TNR: variants seen among roughly 807,000 people sequenced by gnomAD.
The protein encoded by TNR is tenascin R.
Under a neutral mutation model 150.4 loss-of-function variants are expected in TNR, and 45 were observed. The observed-to-expected ratio is 0.30, with a 90% confidence interval of 0.24 to 0.38. The LOEUF is 0.38. TNR is among the 10% of genes least tolerant of loss of function. TNR has a pLI of 1.00. For missense variants in TNR, 1,544 were observed against 1,759.1 expected (o/e 0.88, Z 2.19); for synonymous variants, 687 against 678.4 (o/e 1.01, Z -0.20).
At chr1:175,638,641 G>C (rs1664557497) in intron 1 of TNR, among the ~76,000 whole-genome samples, 1 of 152,102 alleles carries the variant, frequency 6.6e-6, no homozygotes, top group Non-Finnish European at 1.5e-5. Context: ...GAAAGTTAGG[G>C]TACCAAACTC....
At chr1:175,533,320 T>A (rs528970021) in intron 1 of TNR, among the ~76,000 whole-genome samples, 1 of 152,204 alleles carries the variant, frequency 6.6e-6, no homozygotes, top group African/African-American at 2.4e-5. Flanking sequence ...CGCAGCTCAG[T>A]GTGCAGCAGA....
At chr1:175,549,989 T>C (rs1351325921) in intron 1 of TNR, among the ~76,000 whole-genome samples, 1 of 152,166 alleles carries the variant, frequency 6.6e-6, no homozygotes, top group Non-Finnish European at 1.5e-5. Context: ...TGTGATAATT[T>C]GTTGTGCAGC....
rs1255308835 is a variant in TNR at position 175,528,334 on chromosome 1, G to C, written c.-129C>G. The C allele has an allele frequency of 6.6e-6, 1 of 152,182 alleles. No homozygotes were observed. The highest frequency in any genetic ancestry group is 2.4e-5 in the African/African-American group (1 of 41,458). 9.4% of individuals were successfully genotyped at this position (152,182 alleles called of 1,614,324 possible). On this transcript the variant is annotated 5_prime_UTR_variant, in exon 2 of 23. Coordinates refer to ENST00000367674, the MANE Select transcript of TNR (RefSeq NM_003285.3). ...TTTCTTTAATCCTAATTCCAAAAGA[G>C]ACCTGCCCTCTATGCAGTTAAAACG...
At chr1:175,432,802 C>G (rs1557930971) in intron 2 of TNR, among the ~76,000 whole-genome samples, 1 of 152,162 alleles carries the variant, frequency 6.6e-6, no homozygotes, top group Non-Finnish European at 1.5e-5. Context: ...CTCCTCTTCT[C>G]TTTTGGTGGC....
intron 1 of TNR, among the ~76,000 whole-genome samples, chr1:175,558,565 T>G (rs1295070090): frequency 6.6e-6 from 1 of 152,216 alleles, no homozygotes; most frequent in Non-Finnish European, 1.5e-5. Flanking sequence ...TATGACATAC[T>G]GCTCCAATCT....
At chr1:175,367,159 A>C (rs1439023966) in intron 10 of TNR, 49 bp downstream of exon 10, 3 of 1,574,602 alleles carry the variant, frequency 1.9e-6, no homozygotes, top group Non-Finnish European at 2.6e-6. Flanking sequence ...ATGACTCCTT[A>C]GGCTTATAGG....
chr1:175,634,948 G>A (rs777921380), intron 1 of TNR, among the ~76,000 whole-genome samples: 1 of 152,162 alleles, frequency 6.6e-6, no homozygotes, highest in South Asian at 2.1e-4. Context: ...TTCTCTTAAT[G>A]GCAAAGGTTC....
chr1:175,364,069 T>C (rs1651724326), intron 12 of TNR, among the ~76,000 whole-genome samples: 1 of 152,244 alleles, frequency 6.6e-6, no homozygotes, highest in Admixed American at 6.5e-5. Context: ...TGGCAAGCTC[T>C]GTACCTGTTA....
Position 175,432,061 on chromosome 1 carries a change from G to A in TNR, c.-63-25284C>T, listed in dbSNP as rs187399773. ...TCATGCGTGAGCCTCTGCCTGTGGG[G>A]AGGGGGCCAGGGATATGGGGTTGCT... On this transcript the variant is annotated intron_variant, in intron 2 of 22. Transcript: ENST00000367674. 2.7e-3 allele frequency among the ~76,000 whole-genome samples: 404 copies of A among 152,220 alleles called. 1 individual carries two copies. Among genetic ancestry groups the A allele is most frequent in the Middle Eastern group, 0.01 (3 of 294 alleles).
At chr1:175,652,643 G>A (rs1336461137) in intron 1 of TNR, among the ~76,000 whole-genome samples, 5 of 152,054 alleles carry the variant, frequency 3.3e-5, no homozygotes, top group South Asian at 2.1e-4. Context: ...GCACTTCCCC[G>A]TTAGCTCTCT....
chr1:175,617,615 G>C (rs1430350569), intron 1 of TNR, among the ~76,000 whole-genome samples: 2 of 152,274 alleles, frequency 1.3e-5, no homozygotes, highest in East Asian at 1.9e-4. Context: ...CAGAACCTAA[G>C]GTCCCATTCC....
chr1:175,450,926 C>T (rs1656276785), intron 2 of TNR, among the ~76,000 whole-genome samples: 1 of 152,164 alleles, frequency 6.6e-6, no homozygotes, highest in Non-Finnish European at 1.5e-5. Context: ...TTTCCTCCAC[C>T]ATTCTTTTTT....
chr1:175,657,405 C>A (rs569868984), intron 1 of TNR, among the ~76,000 whole-genome samples: 1 of 152,122 alleles, frequency 6.6e-6, no homozygotes, highest in Non-Finnish European at 1.5e-5. Context: ...TTTGACCCAG[C>A]CATCCCATTA....
chr1:175,457,137 C>A (rs1302409139), intron 2 of TNR, among the ~76,000 whole-genome samples: 8 of 152,184 alleles, frequency 5.3e-5, no homozygotes, highest in Admixed American at 5.2e-4. Context: ...CTTCTATTAA[C>A]TTTTCCCCTG....
At chr1:175,639,571 T>C (rs10913040) in intron 1 of TNR, among the ~76,000 whole-genome samples, 48,181 of 152,054 alleles carry the variant, frequency 0.32, 9,672 homozygotes, top group African/African-American at 0.55. Context: ...CTTCTGAGTG[T>C]TGGGGCTCTG....
intron 2 of TNR, among the ~76,000 whole-genome samples, chr1:175,497,797 C>A (rs779739849): frequency 1.3e-5 from 2 of 152,148 alleles, no homozygotes; most frequent in African/African-American, 4.8e-5. Context: ...TGGTGGCTCA[C>A]GCCTGTAATC....
At chr1:175,369,681 G>T (rs899300663) in intron 9 of TNR, among the ~76,000 whole-genome samples, 4 of 152,180 alleles carry the variant, frequency 2.6e-5, no homozygotes, top group Non-Finnish European at 4.4e-5. Flanking sequence ...CCCGGATTCT[G>T]GTCTCAGAGT....
intron 1 of TNR, among the ~76,000 whole-genome samples, chr1:175,695,231 A>G (rs1161731835): frequency 6.6e-6 from 1 of 152,098 alleles, no homozygotes. Context: ...CATCATGAGG[A>G]CTCTCAAGGG....
Position 175,322,906 on chromosome 1 carries a change from CAA to C in TNR, c.*449_*450del, listed in dbSNP as rs1270647247. 1 of 152,860 alleles carries C rather than the reference CAA, an allele frequency of 6.5e-6. No individual in the cohort carries two copies. The highest frequency in any genetic ancestry group is 6.5e-5 in the Admixed American group (1 of 15,302). 9.5% of individuals were successfully genotyped at this position (152,860 alleles called of 1,614,324 possible). A position where few individuals can be genotyped will look rare whatever the true frequency, so the allele number is the denominator to read the frequency against. ...GTTTCCTTTTAAGGGGAATTGTTGG[CAA>C]AACTCTCTTGCTGAGGCTCTTTTCT... On this transcript the variant is annotated 3_prime_UTR_variant, in exon 23 of 23. Coordinates refer to ENST00000367674, the MANE Select transcript of TNR (RefSeq NM_003285.3).
Sources: allele counts gnomAD v4.1 joint callset (sites outside exome capture counted in the v4.1 genomes callset), GRCh38; gene constraint gnomAD v4.1.1; transcripts MANE v1.5; gene names NCBI Gene and HGNC (gene_info 2026-07-23, HGNC 2026-07-21).